The following TMEM67 variants were observed in gnomAD, a reference collection of about 807,000 sequenced individuals.
TMEM67 encodes the protein meckelin.
In TMEM67, 124 loss-of-function variants were observed where a neutral mutation model predicts 136.6. That is an observed-to-expected ratio of 0.91 (90% CI 0.78 to 1.05). TMEM67 has a LOEUF of 1.05. Among genes scored for constraint, TMEM67 ranks in the 50% least tolerant of loss-of-function variants. TMEM67 has a pLI of 0.00. For synonymous variants in TMEM67, 364 were observed against 390.5 expected, an observed-to-expected ratio of 0.93 and a Z score of 0.80; for missense variants, 1,107 against 1,178.4, an observed-to-expected ratio of 0.94 and a Z score of 0.89.
chr8:93,822,718 T>C (rs1231649972), downstream of TMEM67, among the ~76,000 whole-genome samples: 1 of 152,166 alleles, frequency 6.6e-6, no homozygotes, highest in Non-Finnish European at 1.5e-5. Flanking sequence ...CTAAATCTAG[T>C]GCTGAGTTTT....
At chr8:93,806,883 A>C (rs1225732243) in intron 23 of TMEM67, among the ~76,000 whole-genome samples, 1 of 152,146 alleles carries the variant, frequency 6.6e-6, no homozygotes, top group Non-Finnish European at 1.5e-5. Context: ...AATATAGTAC[A>C]TTTGCATATC....
Position 93,765,613 on chromosome 8 carries a change from A to G in TMEM67, c.618A>G (p.Leu206=), listed in dbSNP as rs779021960. Residue 206 remains leucine, a synonymous_variant, in exon 6 of 28, where the codon CTA becomes CTG. Coordinates refer to ENST00000453321, the MANE Select transcript of TMEM67 (RefSeq NM_153704.6). ...TCAGCAGCACAGGGAATTTTCCTCT[A>G]CGTAGAATTTCAGCTGCACGTTATG... ...LCFSSTGNFP[L]RRISAARYGE... 6 of 1,613,350 alleles carry G rather than the reference A, an allele frequency of 3.7e-6. No individual in the cohort carries two copies. Among genetic ancestry groups the G allele is most frequent in the African/African-American group, 2.7e-5 (2 of 74,896 alleles).
chr8:93,763,977 CATCTT>C, intron 4 of TMEM67, 36 bp downstream of exon 4: 2 of 1,224,912 alleles, frequency 1.6e-6, no homozygotes, highest in Non-Finnish European at 2.4e-6. Flanking sequence ...TCATTAATAT[CATCTT>C]ATATTAGTGT....
chr8:93,810,530 G>T (rs999296257), intron 26 of TMEM67, among the ~76,000 whole-genome samples: 1 of 151,858 alleles, frequency 6.6e-6, no homozygotes, highest in Non-Finnish European at 1.5e-5. Context: ...CAGTGAGCTG[G>T]GATCACTCCA....
chr8:93,831,552 A>C, the TMEM67 span, among the ~76,000 whole-genome samples: 1 of 152,190 alleles, frequency 6.6e-6, no homozygotes, highest in Non-Finnish European at 1.5e-5. Context: ...ATACCCTGTC[A>C]TGTAATATCC....
chr8:93,809,568 A>G (rs898957441), intron 25 of TMEM67, among the ~76,000 whole-genome samples: 2 of 152,192 alleles, frequency 1.3e-5, no homozygotes, highest in Admixed American at 6.5e-5. Context: ...TTTTCACTAT[A>G]TCTAGCCCTA....
intron 7 of TMEM67, among the ~76,000 whole-genome samples, chr8:93,779,249 A>G (rs1586038763): frequency 6.6e-6 from 1 of 152,074 alleles, no homozygotes; most frequent in African/African-American, 2.4e-5. Context: ...CTAGTTAGCC[A>G]TTTGTCTAAT....
At chr8:93,798,944 TG>T (rs1276296139) in intron 20 of TMEM67, among the ~76,000 whole-genome samples, 1 of 51,518 alleles carries the variant, frequency 1.9e-5, no homozygotes, top group East Asian at 3.1e-4. Flanking sequence ...ACTAAAGTAG[TG>T]TGTGTGTGTG....
At position 93,817,729 on chromosome 8, in the gene TMEM67, T is replaced by A. The variant is rs550843544; in HGVS notation, c.*1277T>A. On this transcript the variant is annotated 3_prime_UTR_variant, in exon 28 of 28. Coordinates refer to ENST00000453321, the MANE Select transcript of TMEM67 (RefSeq NM_153704.6). Reference sequence around the variant, plus strand: ...AGTACCATTTAGGAATATAACATTATTGGGGCAGAGGTCCCAGCCATTGCC... The same window carrying A: ...AGTACCATTTAGGAATATAACATTAATGGGGCAGAGGTCCCAGCCATTGCC... 2 of 152,338 alleles carry A rather than the reference T, an allele frequency of 1.3e-5. No homozygotes were observed. Among genetic ancestry groups the A allele is most frequent in the South Asian group, 4.1e-4 (2 of 4,834 alleles). 9.4% of individuals were successfully genotyped at this position (152,338 alleles called of 1,614,324 possible).
chr8:93,831,102 G>A, the TMEM67 span, among the ~76,000 whole-genome samples: 3 of 152,168 alleles, frequency 2.0e-5, no homozygotes, highest in South Asian at 2.1e-4. Context: ...TTTCACACAC[G>A]CCACATGGGG....
chr8:93,793,079 T>G, intron 15 of TMEM67, 119 bp from the exon 16 acceptor site: 1 of 890,832 alleles, frequency 1.1e-6, no homozygotes, highest in Middle Eastern at 2.4e-4. Flanking sequence ...CTGACTCCTG[T>G]GTCCTTTCAA....
chr8:93,800,995 G>A (rs946851456), intron 21 of TMEM67, among the ~76,000 whole-genome samples: 2 of 149,844 alleles, frequency 1.3e-5, no homozygotes, highest in African/African-American at 4.9e-5. Context: ...ATCTAGTAGA[G>A]GCCATAAAGA....
chr8:93,804,551 G>T (rs1229275352), intron 22 of TMEM67, among the ~76,000 whole-genome samples: 3 of 93,322 alleles, frequency 3.2e-5, no homozygotes, highest in East Asian at 2.9e-4. Context: ...TCCCTTTCTT[G>T]GAAAATATCT....
intron 7 of TMEM67, among the ~76,000 whole-genome samples, chr8:93,775,457 GTTTTC>G (rs1220952632): frequency 6.6e-6 from 1 of 152,164 alleles, no homozygotes; most frequent in Admixed American, 6.5e-5. Flanking sequence ...TATTGCCTAG[GTTTTC>G]TTCTAGGGTT....
At chr8:93,765,736 T>C (rs1340729127) in intron 6 of TMEM67, 90 bp downstream of exon 6, 5 of 847,152 alleles carry the variant, frequency 5.9e-6, no homozygotes, top group Non-Finnish European at 1.0e-5. Context: ...AGAAACCCTT[T>C]TGTGTAAATC....
intron 26 of TMEM67, among the ~76,000 whole-genome samples, chr8:93,813,502 A>T (rs1188297587): frequency 6.6e-6 from 1 of 152,168 alleles, no homozygotes; most frequent in Non-Finnish European, 1.5e-5. Flanking sequence ...CTTCATCAAG[A>T]GATGATGAGA....
At chr8:93,829,382 C>G in the TMEM67 span, among the ~76,000 whole-genome samples, 44,555 of 136,988 alleles carry the variant, frequency 0.33, 6,761 homozygotes, top group African/African-American at 0.43. Context: ...CTCTCTCTCT[C>G]TGTGTGTGTG....
chr8:93,763,767 A>T, intron 3 of TMEM67, 75 bp from the exon 4 acceptor site: 1 of 1,011,312 alleles, frequency 9.9e-7, no homozygotes, highest in Non-Finnish European at 1.5e-6. Flanking sequence ...GGGTTTTGTT[A>T]AATATTTTCT....
chr8:93,776,264 G>A (rs887312087), intron 7 of TMEM67, among the ~76,000 whole-genome samples: 6 of 152,130 alleles, frequency 3.9e-5, no homozygotes, highest in African/African-American at 1.4e-4. Flanking sequence ...GAGACAATGG[G>A]GTTTTCTAAA....
Sources: allele counts gnomAD v4.1 joint callset (sites outside exome capture counted in the v4.1 genomes callset), GRCh38; gene constraint gnomAD v4.1.1; transcripts MANE v1.5; gene names NCBI Gene and HGNC (gene_info 2026-07-23, HGNC 2026-07-21).